OXLD1: variants seen among roughly 807,000 people sequenced by gnomAD.
OXLD1 encodes oxidoreductase like domain containing 1.
In OXLD1, 4 loss-of-function variants were observed where a neutral mutation model predicts 3.1. The observed-to-expected ratio is 1.28, with a 90% confidence interval of 0.63 to 2.92. The LOEUF (loss-of-function observed/expected upper bound fraction) is 2.92. OXLD1 is among the 30% of genes most tolerant of loss of function. OXLD1 has a pLI of 0.01. For missense variants in OXLD1, 240 were observed against 204.6 expected (o/e 1.17, Z -1.05); for synonymous variants, 100 against 87.0 (o/e 1.15, Z -0.83).
chr17:81,666,474 C>A lies in OXLD1; in HGVS notation c.60+44G>T, dbSNP rs924622142. ...TGCGGGCCCCCGGACAGCGGCCTCT[C>A]GGACGTGCCCTTCGGCGCTGCCAAG... On this transcript the variant is annotated intron_variant, in intron 1 of 1. Transcript: ENST00000374741. 1.1e-5 allele frequency: 17 copies of A among 1,524,082 alleles called. No homozygotes were observed. The Admixed American group carries it at 2.6e-4, about 23-fold the overall frequency. The allele number at this position is 1,524,082 out of a possible 1,614,324, so 94.4% of individuals were successfully genotyped here. A position where few individuals can be genotyped will look rare whatever the true frequency, so the allele number is the denominator to read the frequency against.
chr17:81,665,591 A>T lies in OXLD1; in HGVS notation c.61-7T>A. 6.4e-7 allele frequency: 1 copy of T among 1,570,762 alleles called. No individual in the cohort carries two copies. ...TGGAGAACCGGCGAGCCCCCTGAGG[A>T]TGCAGACAAACATGTGACTCTCCAG... On this transcript the variant is annotated splice_polypyrimidine_tract_variant and splice_region_variant and intron_variant, in intron 1 of 1. Transcript: ENST00000374741.
intron 1 of OXLD1, 48 bp downstream of exon 1, chr17:81,666,470 C>A (rs1253574713): frequency 2.0e-6 from 3 of 1,523,338 alleles, no homozygotes; most frequent in Non-Finnish European, 2.6e-6. Context: ...GGACAGCGGC[C>A]TCTCGGACGT....
Position 81,665,154 on chromosome 17 carries a change from C to T in OXLD1, c.*47G>A. 3 of 1,539,070 alleles carry T rather than the reference C, an allele frequency of 1.9e-6. No individual in the cohort carries two copies. Among genetic ancestry groups the T allele is most frequent in the Non-Finnish European group, 2.6e-6 (3 of 1,140,634 alleles). On this transcript the variant is annotated 3_prime_UTR_variant, in exon 2 of 2. Coordinates refer to ENST00000374741, the MANE Select transcript of OXLD1 (RefSeq NM_001039842.3). ...GGGGTGTGAAGGAAGGAGGCTGCGG[C>T]TGCGTCCTGGACTCCGTCCTGCGGT...
chr17:81,665,392 G>A lies in OXLD1; in HGVS notation c.253C>T (p.Gln85Ter). The A allele has an allele frequency of 1.9e-6, 3 of 1,613,590 alleles. No individual in the cohort carries two copies. The East Asian group carries it at 6.7e-5, about 36-fold the overall frequency. Residue 85 changes from glutamine (Q) to a stop codon, truncating the protein, a stop_gained, in exon 2 of 2, where the codon CAG becomes TAG. Coordinates refer to ENST00000374741, the MANE Select transcript of OXLD1 (RefSeq NM_001039842.3). LOFTEE classifies it high-confidence loss of function. ...PPKASLPPEL[Q>*]PPTNCCMSGC... ...CTCATGCAGCAGTTTGTGGGCGGCTGGAGCTCAGGTGGCAGCGATGCCTTG... is the reference window on the plus strand; with the variant it reads ...CTCATGCAGCAGTTTGTGGGCGGCTAGAGCTCAGGTGGCAGCGATGCCTTG...
chr17:81,665,691 T>A (rs527859257), intron 1 of OXLD1, 107 bp from the exon 2 acceptor site: 24 of 1,309,202 alleles, frequency 1.8e-5, no homozygotes, highest in Non-Finnish European at 2.5e-5. Flanking sequence ...ACTGGCTCCA[T>A]GTCCTCAGCT....
chr17:81,666,074 G>A, intron 1 of OXLD1: 1 of 416,720 alleles, frequency 2.4e-6, no homozygotes, highest in Non-Finnish European at 4.2e-6. Flanking sequence ...TCATCCCAGC[G>A]TGAATGTCCT....
rs147159882 is a variant in OXLD1 at position 81,665,581 on chromosome 17, C to A, written c.64G>T (p.Ala22Ser). The A allele has an allele frequency of 2.1e-4, 325 of 1,580,748 alleles. 1 individual carries two copies. The African/African-American group carries it at 3.9e-3, about 19-fold the overall frequency. The change falls in exon 2 of 2, where the codon GCT (alanine) becomes TCT (serine). Residue 22 changes from alanine (A) to serine (S), a missense_variant. By Grantham distance (99) the Ala-to-Ser change is moderately conservative. Transcript: ENST00000374741. ...CAGTCCGGGCTGGAGAACCGGCGAGCCCCCTGAGGATGCAGACAAACATGT... is the reference window on the plus strand; with the variant it reads ...CAGTCCGGGCTGGAGAACCGGCGAGACCCCTGAGGATGCAGACAAACATGT... Reference protein sequence around the residue: ...AVAAAVRGSGARRFSSPDCCQ... With the variant: ...AVAAAVRGSGSRRFSSPDCCQ...
At chr17:81,665,631 C>T (rs762215677) in intron 1 of OXLD1, 47 bp from the exon 2 acceptor site, 27 of 1,525,218 alleles carry the variant, frequency 1.8e-5, no homozygotes, top group Non-Finnish European at 2.3e-5. Flanking sequence ...CTGGTGAGGC[C>T]CGGTCTACCC....
In OXLD1 at chr17:81,665,829, C is replaced by T. The variant is rs138757394; in HGVS notation, c.61-245G>A. ...AAGTGCCAGGATCAGGGCCTGGCGCCGGGTGTGCACTCAAGCACATGGTGG... is the reference window on the plus strand; with the variant it reads ...AAGTGCCAGGATCAGGGCCTGGCGCTGGGTGTGCACTCAAGCACATGGTGG... On this transcript the variant is annotated intron_variant, in intron 1 of 1. Coordinates refer to ENST00000374741, the MANE Select transcript of OXLD1 (RefSeq NM_001039842.3). 1,796 of 533,740 alleles carry T rather than the reference C, an allele frequency of 3.4e-3. 12 individuals carry two copies. The highest frequency in any genetic ancestry group is 4.7e-3 in the Non-Finnish European group (1,424 of 305,892). The allele number at this position is 533,740 out of a possible 1,614,324, so 33.1% of individuals were successfully genotyped here. A position where few individuals can be genotyped will look rare whatever the true frequency, so the allele number is the denominator to read the frequency against.
Position 81,666,506 on chromosome 17 carries a change from C to A in OXLD1, c.60+12G>T. 7 of 1,527,840 alleles carry A rather than the reference C, an allele frequency of 4.6e-6. No individual in the cohort carries two copies. The highest frequency in any genetic ancestry group is 6.1e-6 in the Non-Finnish European group (7 of 1,146,730). 94.6% of individuals were successfully genotyped at this position (1,527,840 alleles called of 1,614,324 possible). A position where few individuals can be genotyped will look rare whatever the true frequency, so the allele number is the denominator to read the frequency against. On this transcript the variant is annotated intron_variant, in intron 1 of 1. Transcript: ENST00000374741. ...GCCCTTCGGCGCTGCCAAGACCCGT[C>A]CTGGTACTTGCCGAGCCACGGACCG...
Position 81,665,485 on chromosome 17 carries a change from G to A in OXLD1, c.160C>T (p.Arg54Cys), listed in dbSNP as rs755564711. 18 of 1,613,124 alleles carry A rather than the reference G, an allele frequency of 1.1e-5. No homozygotes were observed. The highest frequency in any genetic ancestry group is 1.6e-4 in the Middle Eastern group (1 of 6,078). Residue 54 changes from arginine to cysteine, a missense_variant, in exon 2 of 2, where the codon CGC (arginine) becomes TGC (cysteine). Arg to Cys is a radical substitution (Grantham distance 180). Coordinates refer to ENST00000374741, the MANE Select transcript of OXLD1 (RefSeq NM_001039842.3). Reference protein sequence around the residue: ...HHPGAQAPDGRRKFGTDHVEV... With the variant: ...HHPGAQAPDGCRKFGTDHVEV... ...ACGTGGTCTGTCCCGAATTTTCTGC[G>A]CCCATCAGGGGCTTGCGCTCCGGGA...
Position 81,665,125 on chromosome 17 carries a change from T to G in OXLD1, c.*76A>C. On this transcript the variant is annotated 3_prime_UTR_variant, in exon 2 of 2. Transcript: ENST00000374741. Reference sequence around the variant, plus strand: ...ATTCCCGTTGGACACAAGGAGTCTGTGAGGGGGTGTGAAGGAAGGAGGCTG... The same window carrying G: ...ATTCCCGTTGGACACAAGGAGTCTGGGAGGGGGTGTGAAGGAAGGAGGCTG... The G allele has an allele frequency of 2.7e-6, 4 of 1,479,720 alleles. No homozygotes were observed. The highest frequency in any genetic ancestry group is 3.6e-6 in the Non-Finnish European group (4 of 1,100,174). 91.7% of individuals were successfully genotyped at this position (1,479,720 alleles called of 1,614,324 possible).
chr17:81,665,584 C>T lies in OXLD1; in HGVS notation c.61G>A (p.Gly21Arg). ...TCCGGGCTGGAGAACCGGCGAGCCC[C>T]CTGAGGATGCAGACAAACATGTGAC... ...RAVAAAVRGS[G>R]ARRFSSPDCC... The change falls in exon 2 of 2, where the codon GGG (glycine) becomes AGG (arginine). Residue 21 changes from glycine to arginine, a missense_variant and splice_region_variant. Transcript: ENST00000374741. The T allele has an allele frequency of 6.3e-7, 1 of 1,576,700 alleles. No homozygotes were observed. The highest frequency in any genetic ancestry group is 1.1e-5 in the South Asian group (1 of 87,050).
rs766755979 is a variant in OXLD1 at position 81,665,305 on chromosome 17, C to A, written c.340G>T (p.Gly114Cys). The change falls in exon 2 of 2, where the codon GGT becomes TGT. Residue 114 changes from glycine (G) to cysteine (C), a missense_variant. Physicochemically the swap from Gly to Cys is radical, Grantham distance 159 (BLOSUM62 -3). Transcript: ENST00000374741. Reference protein sequence around the residue: ...ADRLLQHFQDGGERALAALEE... With the variant: ...ADRLLQHFQDCGERALAALEE... ...AGGGCAGCCAGGGCCCGCTCCCCAC[C>A]GTCCTGGAAGTGCTGCAGCAGCCTG... is the stretch of plus-strand genomic sequence containing the variant. 3 of 1,613,562 alleles carry A rather than the reference C, an allele frequency of 1.9e-6. No homozygotes were observed. The highest frequency in any genetic ancestry group is 1.7e-5 in the Admixed American group (1 of 60,016).
rs1006210744 is a variant in OXLD1 at position 81,665,690 on chromosome 17, A to G, written c.61-106T>C. 249 of 1,318,818 alleles carry G rather than the reference A, an allele frequency of 1.9e-4. 1 individual carries two copies. The highest frequency in any genetic ancestry group is 7.3e-4 in the Middle Eastern group (3 of 4,126). The allele number at this position is 1,318,818 out of a possible 1,614,324, so 81.7% of individuals were successfully genotyped here. A position where few individuals can be genotyped will look rare whatever the true frequency, so the allele number is the denominator to read the frequency against. ...CTCCTGTCATTGGGCAACTGGCTCCATGTCCTCAGCTTTTTCACTTCCTGT... is the reference window on the plus strand; with the variant it reads ...CTCCTGTCATTGGGCAACTGGCTCCGTGTCCTCAGCTTTTTCACTTCCTGT... On this transcript the variant is annotated intron_variant, in intron 1 of 1. Coordinates refer to ENST00000374741, the MANE Select transcript of OXLD1 (RefSeq NM_001039842.3).
intron 1 of OXLD1, 84 bp downstream of exon 1, chr17:81,666,434 G>A: frequency 6.8e-7 from 1 of 1,471,488 alleles, no homozygotes; most frequent in Non-Finnish European, 9.1e-7. Flanking sequence ...AGGGGCCGGG[G>A]CTCCTCCCGG....
At chr17:81,665,647 A>T in intron 1 of OXLD1, 63 bp from the exon 2 acceptor site, 2 of 1,501,804 alleles carry the variant, frequency 1.3e-6, no homozygotes, top group Non-Finnish European at 1.8e-6. Context: ...TACCCCCAGC[A>T]GTGAGGACAT....
In OXLD1 at chr17:81,666,506, C is replaced by G; in HGVS notation, c.60+12G>C. The G allele has an allele frequency of 6.5e-7, 1 of 1,527,840 alleles. No individual in the cohort carries two copies. Among genetic ancestry groups the G allele is most frequent in the Non-Finnish European group, 8.7e-7 (1 of 1,146,730 alleles). The allele number at this position is 1,527,840 out of a possible 1,614,324, so 94.6% of individuals were successfully genotyped here. A position where few individuals can be genotyped will look rare whatever the true frequency, so the allele number is the denominator to read the frequency against. ...GCCCTTCGGCGCTGCCAAGACCCGT[C>G]CTGGTACTTGCCGAGCCACGGACCG... On this transcript the variant is annotated intron_variant, in intron 1 of 1. Transcript: ENST00000374741.
chr17:81,666,515 T>C lies in OXLD1; in HGVS notation c.60+3A>G. 1 of 1,525,582 alleles carries C rather than the reference T, an allele frequency of 6.6e-7. No individual in the cohort carries two copies. The highest frequency in any genetic ancestry group is 2.7e-5 in the East Asian group (1 of 37,540). 94.5% of individuals were successfully genotyped at this position (1,525,582 alleles called of 1,614,324 possible). A position where few individuals can be genotyped will look rare whatever the true frequency, so the allele number is the denominator to read the frequency against. On this transcript the variant is annotated splice_donor_region_variant and intron_variant, in intron 1 of 1. Coordinates refer to ENST00000374741, the MANE Select transcript of OXLD1 (RefSeq NM_001039842.3). Reference sequence around the variant, plus strand: ...CGCTGCCAAGACCCGTCCTGGTACTTGCCGAGCCACGGACCGCGGCGGCTA... The same window carrying C: ...CGCTGCCAAGACCCGTCCTGGTACTCGCCGAGCCACGGACCGCGGCGGCTA...
Sources: allele counts gnomAD v4.1 joint callset, GRCh38; gene constraint gnomAD v4.1.1; transcripts MANE v1.5; gene names NCBI Gene and HGNC (gene_info 2026-07-23, HGNC 2026-07-21).